PARG: variants seen among roughly 807,000 people sequenced by gnomAD.
The protein encoded by PARG is mitochondrial poly(ADP-ribose) glycohydrolase.
A neutral mutation model predicts 113.0 loss-of-function variants in PARG; 35 were observed. The ratio of observed to expected loss-of-function variants is 0.31; its 90% confidence interval spans 0.24 to 0.41. The LOEUF (loss-of-function observed/expected upper bound fraction) is 0.41, where lower values mean the gene tolerates loss of function less well. Ranked by LOEUF, PARG falls within the 10% of genes least tolerant of loss-of-function variation. PARG has a pLI of 1.00. For synonymous variants in PARG, 330 were observed against 409.9 expected (o/e 0.81, Z 2.36); for missense variants, 797 against 1,169.4 (o/e 0.68, Z 4.64).
intron 1 of PARG, among the ~76,000 whole-genome samples, chr10:49,939,839 A>G (rs1284603808): frequency 1.3e-5 from 2 of 152,212 alleles, no homozygotes; most frequent in African/African-American, 4.8e-5. Context: ...GCCCCTAAGT[A>G]TGAAGACATC....
At chr10:49,934,618 G>A (rs1838657775) in intron 2 of PARG, among the ~76,000 whole-genome samples, 1 of 152,178 alleles carries the variant, frequency 6.6e-6, no homozygotes, top group East Asian at 1.9e-4. Context: ...GGGAGGTCGA[G>A]GCAGGCAGAT....
intron 1 of PARG, among the ~76,000 whole-genome samples, chr10:49,938,648 G>C (rs1209933246): frequency 6.6e-6 from 1 of 151,650 alleles, no homozygotes; most frequent in East Asian, 1.9e-4. Flanking sequence ...TGTTGCTCAG[G>C]CTGGACGGGA....
intron 7 of PARG, 139 bp downstream of exon 7, chr10:49,915,778 A>T (rs1554847430): frequency 5.0e-6 from 3 of 595,990 alleles, no homozygotes; most frequent in Non-Finnish European, 9.1e-6. Context: ...TATTTACCTA[A>T]AACATACATA....
chr10:49,830,920 A>G (rs1342929147), intron 16 of PARG, among the ~76,000 whole-genome samples: 1 of 152,236 alleles, frequency 6.6e-6, no homozygotes, highest in African/African-American at 2.4e-5. Context: ...TCCTTATAAT[A>G]TAATGAAAAC....
At chr10:49,888,468 C>G (rs61484918) in intron 7 of PARG, among the ~76,000 whole-genome samples, 1,680 of 152,228 alleles carry the variant, frequency 0.011, 30 homozygotes, top group African/African-American at 0.038. Flanking sequence ...GTTTCCTCTT[C>G]CTTTCTGAAG....
intron 12 of PARG, among the ~76,000 whole-genome samples, chr10:49,859,902 A>G (rs1161846273): frequency 6.6e-6 from 1 of 152,156 alleles, no homozygotes; most frequent in Non-Finnish European, 1.5e-5. Context: ...ACATGAAAAC[A>G]AGAATGTGAA....
At chr10:49,867,881 CG>C (rs1846597011) in intron 10 of PARG, among the ~76,000 whole-genome samples, 1 of 151,978 alleles carries the variant, frequency 6.6e-6, no homozygotes. Context: ...TGTACTACTT[CG>C]TTATAATAAT....
intron 12 of PARG, 65 bp from the exon 13 acceptor site, chr10:49,857,518 C>T: frequency 1.9e-6 from 2 of 1,039,732 alleles, no homozygotes; most frequent in Non-Finnish European, 2.9e-6. Context: ...TCAAGAAGCA[C>T]ATAGTCTCTA....
intron 3 of PARG, 62 bp from the exon 4 acceptor site, chr10:49,932,345 A>C: frequency 2.0e-6 from 2 of 987,064 alleles, no homozygotes; most frequent in Non-Finnish European, 3.3e-6. Flanking sequence ...CCTTAGATAC[A>C]CAAGCACAAA....
intron 14 of PARG, among the ~76,000 whole-genome samples, chr10:49,842,306 G>A (rs1311745579): frequency 6.6e-6 from 1 of 152,220 alleles, no homozygotes; most frequent in Non-Finnish European, 1.5e-5. Context: ...CAATGACATA[G>A]TGTAAACAGG....
At chr10:49,890,117 G>A (rs1847695743) in intron 7 of PARG, among the ~76,000 whole-genome samples, 1 of 152,096 alleles carries the variant, frequency 6.6e-6, no homozygotes, top group South Asian at 2.1e-4. Flanking sequence ...TTATTATGAT[G>A]ATAATGATGA....
rs1210916505 is a variant in PARG at position 49,846,164 on chromosome 10, C to A, written c.2354-2532G>T. Among the ~76,000 whole-genome samples the A allele has an allele frequency of 2.0e-5, 3 of 150,902 alleles. No homozygotes were observed. In the East Asian group the frequency reaches 5.8e-4, roughly 29 times the overall value. On this transcript the variant is annotated intron_variant, in intron 13 of 17. Coordinates refer to ENST00000616448, the MANE Select transcript of PARG (RefSeq NM_003631.5). ...CTCCTTAGTAATAAAAGGGATAGAA[C>A]CACTGACACATTAAAAAACATAGAT...
At chr10:49,823,273 T>C (rs926549945) in intron 16 of PARG, among the ~76,000 whole-genome samples, 1 of 152,268 alleles carries the variant, frequency 6.6e-6, no homozygotes, top group South Asian at 2.1e-4. Flanking sequence ...TTTATTTTTA[T>C]AAATTTGAAA....
At chr10:49,845,302 A>G (rs1374991151) in intron 13 of PARG, among the ~76,000 whole-genome samples, 2 of 152,234 alleles carry the variant, frequency 1.3e-5, no homozygotes, top group Non-Finnish European at 2.9e-5. Flanking sequence ...TGTGCTCACA[A>G]AAACTGCAAA....
At chr10:49,891,953 T>C (rs1554841653) in intron 7 of PARG, among the ~76,000 whole-genome samples, 1 of 151,720 alleles carries the variant, frequency 6.6e-6, no homozygotes, top group East Asian at 2.0e-4. Context: ...GGGAGGTTCA[T>C]TACCCCATTT....
At chr10:49,916,093 T>G (rs1386680314) in intron 6 of PARG, 102 bp from the exon 7 acceptor site, 1 of 713,840 alleles carries the variant, frequency 1.4e-6, no homozygotes, top group African/African-American at 1.8e-5. Context: ...TTTCATAATG[T>G]TAGACAAGCT....
At position 49,916,103 on chromosome 10, in the gene PARG, T is replaced by C. The variant is rs1289289827; in HGVS notation, c.1663-112A>G. 4 of 703,034 alleles carry C rather than the reference T, an allele frequency of 5.7e-6. No individual in the cohort carries two copies. In the Admixed American group the frequency reaches 8.3e-5, roughly 15 times the overall value. The allele number at this position is 703,034 out of a possible 1,614,324, so 43.5% of individuals were successfully genotyped here. On this transcript the variant is annotated intron_variant, in intron 6 of 17. Coordinates refer to ENST00000616448, the MANE Select transcript of PARG (RefSeq NM_003631.5). ...GTACATTTCATAATGTTAGACAAGC[T>C]TCCTACTACCTCCCCCTGCTACTGA...
intron 7 of PARG, among the ~76,000 whole-genome samples, chr10:49,912,750 A>G (rs1554846657): frequency 6.6e-6 from 1 of 152,180 alleles, no homozygotes; most frequent in Non-Finnish European, 1.5e-5. Context: ...AGATTGCTTG[A>G]GCCCAAGAGT....
intron 15 of PARG, among the ~76,000 whole-genome samples, chr10:49,836,080 A>G (rs1161995808): frequency 6.6e-6 from 1 of 152,164 alleles, no homozygotes. Flanking sequence ...CACAGTGACT[A>G]CTTCACAGAA....
Sources: allele counts gnomAD v4.1 joint callset (sites outside exome capture counted in the v4.1 genomes callset), GRCh38; gene constraint gnomAD v4.1.1; transcripts MANE v1.5; gene names NCBI Gene and HGNC (gene_info 2026-07-23, HGNC 2026-07-21).